Variants in ATP8A2 observed in about 807,000 individuals in gnomAD.
ATP8A2 encodes ATPase phospholipid transporting 8A2, also known as phospholipid-transporting ATPase IB.
ATP8A2 carries 100 observed loss-of-function variants against 165.6 expected under a neutral mutation model. The observed-to-expected ratio is 0.60, with a 90% CI of 0.51 to 0.71. ATP8A2 has a LOEUF of 0.71. ATP8A2 is among the 30% of genes least tolerant of loss of function. ATP8A2 has a pLI of 0.00. For synonymous variants in ATP8A2, 543 were observed against 548.8 expected (o/e 0.99, Z 0.15); for missense variants, 1,227 against 1,479.5 (o/e 0.83, Z 2.80).
At chr13:25,744,051 T>C (rs554153965) in intron 25 of ATP8A2, among the ~76,000 whole-genome samples, 55 of 152,346 alleles carry the variant, frequency 3.6e-4, no homozygotes, top group Non-Finnish European at 6.6e-4. Flanking sequence ...AACTATCTTA[T>C]ATTGTGGGTC....
chr13:25,428,631 G>A (rs868252058), intron 1 of ATP8A2, among the ~76,000 whole-genome samples: 8 of 152,182 alleles, frequency 5.3e-5, no homozygotes, highest in Admixed American at 1.3e-4. Flanking sequence ...TGTTTTAAGT[G>A]TGAGGAGGTG....
intron 11 of ATP8A2, among the ~76,000 whole-genome samples, chr13:25,553,202 AT>A (rs1432870951): frequency 8.3e-6 from 1 of 121,100 alleles, no homozygotes; most frequent in Non-Finnish European, 1.7e-5. Flanking sequence ...TCCCTCCCCC[AT>A]TCTCTGTTCC....
At chr13:25,430,672 G>A (rs919181140) in intron 1 of ATP8A2, among the ~76,000 whole-genome samples, 2 of 151,904 alleles carry the variant, frequency 1.3e-5, no homozygotes, top group Non-Finnish European at 2.9e-5. Flanking sequence ...ATCTCGGCTC[G>A]CTGTAGCCTC....
At chr13:25,781,000 G>T (rs1395586905) in intron 27 of ATP8A2, among the ~76,000 whole-genome samples, 5 of 152,132 alleles carry the variant, frequency 3.3e-5, no homozygotes, top group Admixed American at 6.5e-5. Flanking sequence ...GAATTCTCAC[G>T]CCTGTAATCC....
At chr13:25,728,043 C>T (rs2043534225) in intron 25 of ATP8A2, among the ~76,000 whole-genome samples, 2 of 152,176 alleles carry the variant, frequency 1.3e-5, no homozygotes, top group African/African-American at 4.8e-5. Context: ...TCAGGTCACC[C>T]ACAAGTTCCC....
intron 25 of ATP8A2, among the ~76,000 whole-genome samples, chr13:25,758,786 G>GT (rs755786015): frequency 6.6e-6 from 1 of 152,002 alleles, no homozygotes; most frequent in East Asian, 1.9e-4. Context: ...TGCCACTCCT[G>GT]TTTTTTTAAA....
chr13:25,947,825 G>A (rs1000970562), intron 33 of ATP8A2, among the ~76,000 whole-genome samples: 1 of 152,140 alleles, frequency 6.6e-6, no homozygotes, highest in Non-Finnish European at 1.5e-5. Flanking sequence ...TTTCTCATCT[G>A]TTTGGGCACA....
chr13:25,868,374 T>C (rs943895075), intron 33 of ATP8A2, among the ~76,000 whole-genome samples: 2 of 152,206 alleles, frequency 1.3e-5, no homozygotes, highest in African/African-American at 4.8e-5. Flanking sequence ...AAGTATCGTA[T>C]TTTAGAAACC....
intron 27 of ATP8A2, among the ~76,000 whole-genome samples, chr13:25,809,469 C>T (rs929996632): frequency 6.6e-6 from 1 of 152,156 alleles, no homozygotes; most frequent in African/African-American, 2.4e-5. Flanking sequence ...TTTGTCTTCC[C>T]CTGCCCTGTC....
intron 24 of ATP8A2, among the ~76,000 whole-genome samples, chr13:25,593,725 T>TA (rs1487713940): frequency 6.6e-6 from 1 of 152,224 alleles, no homozygotes; most frequent in Non-Finnish European, 1.5e-5. Context: ...GAAAGGTTGT[T>TA]ACTGAGACTC....
intron 24 of ATP8A2, among the ~76,000 whole-genome samples, chr13:25,632,750 T>C (rs2041273069): frequency 6.6e-6 from 1 of 151,998 alleles, no homozygotes; most frequent in Admixed American, 6.6e-5. Flanking sequence ...TACCTTTAAT[T>C]TGGTAGAGAT....
At chr13:25,957,795 A>G (rs1453389115) in intron 33 of ATP8A2, among the ~76,000 whole-genome samples, 2 of 152,182 alleles carry the variant, frequency 1.3e-5, no homozygotes, top group Non-Finnish European at 1.5e-5. Flanking sequence ...AAATCATTCT[A>G]CTATAAAGAC....
In ATP8A2 at chr13:25,525,758, A is replaced by T. The variant is rs562080745; in HGVS notation, c.222-4241A>T. 5.3e-5 allele frequency among the ~76,000 whole-genome samples: 8 copies of T among 152,160 alleles called. 1 individual carries two copies. The South Asian group carries it at 1.7e-3, about 32-fold the overall frequency. ...TCCTCTTTGTCCTTGGTCTTTGAGA[A>T]TGTGATTATTACATGCCTTGGTGAA... On this transcript the variant is annotated intron_variant, in intron 2 of 36. Coordinates refer to ENST00000381655, the MANE Select transcript of ATP8A2 (RefSeq NM_016529.6).
chr13:25,679,962 C>T (rs2042450210), intron 24 of ATP8A2, among the ~76,000 whole-genome samples: 1 of 152,102 alleles, frequency 6.6e-6, no homozygotes, highest in Non-Finnish European at 1.5e-5. Flanking sequence ...TGAGGAATAC[C>T]AGTCTAGAGT....
intron 25 of ATP8A2, among the ~76,000 whole-genome samples, chr13:25,730,344 A>G (rs1431365089): frequency 1.3e-5 from 2 of 152,140 alleles, no homozygotes; most frequent in African/African-American, 2.4e-5. Context: ...TAAGACAGGT[A>G]TGTCTTCAAC....
chr13:25,984,913 T>G (rs1010170929), intron 35 of ATP8A2, among the ~76,000 whole-genome samples: 1 of 152,196 alleles, frequency 6.6e-6, no homozygotes, highest in African/African-American at 2.4e-5. Context: ...CATTTGAGAT[T>G]GTTTGGAAAG....
At chr13:25,454,531 C>T (rs2035311366) in intron 1 of ATP8A2, among the ~76,000 whole-genome samples, 1 of 152,150 alleles carries the variant, frequency 6.6e-6, no homozygotes, top group African/African-American at 2.4e-5. Flanking sequence ...GAGAAGCAAG[C>T]AGAGCTGGGC....
Position 25,431,503 on chromosome 13 carries a change from G to GGC in ATP8A2, c.77-37473_77-37472insCG, listed in dbSNP as rs1204476221. Among the ~76,000 whole-genome samples the GGC allele has an allele frequency of 4.3e-5, 4 of 93,286 alleles. No individual in the cohort carries two copies. The South Asian group carries it at 1.5e-3, about 35-fold the overall frequency. The allele number at this position is 93,286 out of a possible 152,430, so 61.2% of individuals were successfully genotyped here. ...TAATAGTAACTTTTACTTCGGCGGC[G>GGC]GGGGGGGAATCTCATACAATTATGA... On this transcript the variant is annotated intron_variant, in intron 1 of 36. Transcript: ENST00000381655.
chr13:25,817,415 CA>C (rs1951056386), intron 27 of ATP8A2, among the ~76,000 whole-genome samples: 1 of 150,630 alleles, frequency 6.6e-6, no homozygotes, highest in Admixed American at 6.6e-5. Flanking sequence ...TGTAGTTTTG[CA>C]GAAACAGAGA....
Sources: allele counts gnomAD v4.1 joint callset (sites outside exome capture counted in the v4.1 genomes callset), GRCh38; gene constraint gnomAD v4.1.1; transcripts MANE v1.5; gene names NCBI Gene and HGNC (gene_info 2026-07-23, HGNC 2026-07-21).